VPS13B: variants seen among roughly 807,000 people sequenced by gnomAD.
VPS13B encodes intermembrane lipid transfer protein VPS13B.
Under a neutral mutation model 426.4 loss-of-function variants are expected in VPS13B, and 285 were observed. That is an observed-to-expected ratio of 0.67 (90% confidence interval 0.61 to 0.74). The LOEUF (loss-of-function observed/expected upper bound fraction) is 0.74. Among genes scored for constraint, VPS13B ranks in the 30% least tolerant of loss-of-function variants. VPS13B has a pLI of 0.00. For synonymous variants in VPS13B, 1,676 were observed against 1,676.4 expected, an observed-to-expected ratio of 1.00 and a Z score of 0.01; for missense variants, 4,537 against 4,782.6, an observed-to-expected ratio of 0.95 and a Z score of 1.51.
chr8:99,738,785 A>T (rs1833943509), intron 39 of VPS13B, among the ~76,000 whole-genome samples: 1 of 152,228 alleles, frequency 6.6e-6, no homozygotes, highest in African/African-American at 2.4e-5. Context: ...ATAATTTACT[A>T]ATGTTTAGTG....
intron 17 of VPS13B, among the ~76,000 whole-genome samples, chr8:99,271,191 CACTA>C (rs1304229445): frequency 6.3e-5 from 9 of 142,952 alleles, no homozygotes; most frequent in African/African-American, 2.3e-4. Flanking sequence ...CTGCTGCTAC[CACTA>C]ACTACTACTA....
chr8:99,262,780 G>C (rs1818112080), intron 17 of VPS13B, among the ~76,000 whole-genome samples: 8 of 151,758 alleles, frequency 5.3e-5, no homozygotes, highest in Admixed American at 2.6e-4. Flanking sequence ...TGTTGTTGTT[G>C]TTGTTGTTGT....
chr8:99,341,038 A>G, intron 19 of VPS13B: 1 of 272,478 alleles, frequency 3.7e-6, no homozygotes, highest in South Asian at 5.0e-5. Flanking sequence ...GCTTATTCCC[A>G]TGGATAGATT....
chr8:99,311,094 A>G (rs1392890113), intron 19 of VPS13B, among the ~76,000 whole-genome samples: 1 of 151,648 alleles, frequency 6.6e-6, no homozygotes, highest in African/African-American at 2.4e-5. Flanking sequence ...TGGTCTATCA[A>G]TTTTGTTGAT....
intron 13 of VPS13B, among the ~76,000 whole-genome samples, chr8:99,145,455 C>G (rs1481886106): frequency 6.6e-6 from 1 of 152,112 alleles, no homozygotes; most frequent in East Asian, 1.9e-4. Context: ...CACTTCCCTA[C>G]CATGTTCCTT....
At chr8:99,809,589 G>T in intron 44 of VPS13B, 59 bp downstream of exon 44, 2 of 1,600,274 alleles carry the variant, frequency 1.2e-6, no homozygotes, top group African/African-American at 1.3e-5. Flanking sequence ...TAATGGAGAT[G>T]AAAATAATTA....
At chr8:99,203,979 G>T (rs1422876027) in intron 17 of VPS13B, among the ~76,000 whole-genome samples, 1 of 152,068 alleles carries the variant, frequency 6.6e-6, no homozygotes, top group Admixed American at 6.6e-5. Flanking sequence ...AGCTACCATT[G>T]ACTTTCTCAA....
intron 36 of VPS13B, among the ~76,000 whole-genome samples, chr8:99,701,762 CA>C (rs1482394885): frequency 6.6e-6 from 1 of 152,092 alleles, no homozygotes; most frequent in African/African-American, 2.4e-5. Flanking sequence ...TTAATAGTAA[CA>C]ATTTTGTTAT....
chr8:99,389,885 G>C (rs1006424925), intron 20 of VPS13B, among the ~76,000 whole-genome samples: 1 of 152,074 alleles, frequency 6.6e-6, no homozygotes, highest in Admixed American at 6.6e-5. Flanking sequence ...TAGAGTATAA[G>C]AGGTTTTCTA....
intron 3 of VPS13B, among the ~76,000 whole-genome samples, chr8:99,066,908 G>A (rs1563518162): frequency 6.6e-6 from 1 of 152,202 alleles, no homozygotes; most frequent in Non-Finnish European, 1.5e-5. Flanking sequence ...ATCATTACTG[G>A]TCATCAGAGA....
At chr8:99,633,080 A>G (rs1271073419) in intron 33 of VPS13B, among the ~76,000 whole-genome samples, 2 of 152,044 alleles carry the variant, frequency 1.3e-5, no homozygotes, top group African/African-American at 4.8e-5. Context: ...CTCAACTTGT[A>G]CTGAATATTG....
chr8:99,245,845 T>C (rs1817187452), intron 17 of VPS13B, among the ~76,000 whole-genome samples: 1 of 152,186 alleles, frequency 6.6e-6, no homozygotes, highest in Admixed American at 6.5e-5. Flanking sequence ...TGCCCAGCCC[T>C]GATTTATTTT....
chr8:99,135,196 T>G, intron 10 of VPS13B, 59 bp downstream of exon 10: 1 of 1,604,420 alleles, frequency 6.2e-7, no homozygotes, highest in Middle Eastern at 1.7e-4. Context: ...AAGTGCTTAC[T>G]GAAGTGTTTA....
chr8:99,870,285 C>T (rs146345216), intron 59 of VPS13B, among the ~76,000 whole-genome samples: 64 of 152,220 alleles, frequency 4.2e-4, no homozygotes, highest in Non-Finnish European at 6.8e-4. Flanking sequence ...CCTCCCACCT[C>T]AGCCTCTGGA....
chr8:99,840,356 C>T (rs948931116), intron 54 of VPS13B, among the ~76,000 whole-genome samples: 1 of 152,184 alleles, frequency 6.6e-6, no homozygotes, highest in Non-Finnish European at 1.5e-5. Flanking sequence ...TAAATTAAGT[C>T]TTGTTGATAT....
intron 43 of VPS13B, among the ~76,000 whole-genome samples, chr8:99,792,299 T>C (rs890481603): frequency 1.3e-5 from 2 of 152,132 alleles, no homozygotes; most frequent in African/African-American, 4.8e-5. Flanking sequence ...TTAACTCAAT[T>C]TCCAGGGAAA....
At chr8:99,822,471 G>A (rs1273902811) in intron 50 of VPS13B, among the ~76,000 whole-genome samples, 3 of 152,202 alleles carry the variant, frequency 2.0e-5, no homozygotes, top group Admixed American at 1.3e-4. Context: ...AGAGCTGTAA[G>A]CATGAATCAC....
At chr8:99,103,247 A>G (rs1846856996) in intron 5 of VPS13B, 127 bp downstream of exon 5, 4 of 1,037,374 alleles carry the variant, frequency 3.9e-6, no homozygotes, top group East Asian at 4.9e-5. Flanking sequence ...CCAGTGTGGG[A>G]AAAAAATGCA....
intron 33 of VPS13B, among the ~76,000 whole-genome samples, chr8:99,584,333 A>G (rs1433067221): frequency 1.3e-5 from 2 of 152,200 alleles, no homozygotes; most frequent in African/African-American, 4.8e-5. Flanking sequence ...CTCAAAGTAG[A>G]TGTAAGACAT....
Sources: gnomAD v4.1 joint callset for allele counts (sites outside exome capture counted in the v4.1 genomes callset) on GRCh38, gnomAD v4.1.1 for gene constraint, MANE v1.5 for transcripts, NCBI Gene and HGNC (gene_info 2026-07-23, HGNC 2026-07-21) for gene names.